TRPC1: variants seen among roughly 807,000 people sequenced by gnomAD.
The protein encoded by TRPC1 is short transient receptor potential channel 1.
Under a neutral mutation model 88.2 loss-of-function variants are expected in TRPC1, and 42 were observed. That is an observed-to-expected ratio of 0.48 (90% CI 0.37 to 0.62). The LOEUF (loss-of-function observed/expected upper bound fraction) is 0.62, where lower values mean the gene tolerates loss of function less well. Among genes scored for constraint, TRPC1 ranks in the 20% least tolerant of loss-of-function variants. The pLI is 0.00. For missense variants in TRPC1, 699 were observed against 957.3 expected, an observed-to-expected ratio of 0.73 and a Z score of 3.56; for synonymous variants, 288 against 331.8, an observed-to-expected ratio of 0.87 and a Z score of 1.43.
chr3:142,793,724 G>GA, intron 9 of TRPC1: 2 of 519,954 alleles, frequency 3.8e-6, no homozygotes, highest in Non-Finnish European at 4.9e-6. Context: ...TATTATTTCT[G>GA]AAAATCTGAA....
intron 4 of TRPC1, among the ~76,000 whole-genome samples, chr3:142,749,079 A>G (rs1327303152): frequency 6.6e-6 from 1 of 152,208 alleles, no homozygotes; most frequent in African/African-American, 2.4e-5. Context: ...ACATACAGTC[A>G]TGTGCTACAT....
At chr3:142,749,817 C>T (rs975764790) in intron 4 of TRPC1, among the ~76,000 whole-genome samples, 13 of 152,090 alleles carry the variant, frequency 8.5e-5, no homozygotes, top group South Asian at 6.2e-4. Context: ...AAGCAAGCAA[C>T]GGGGAAAGGA....
At chr3:142,805,869 A>C in intron 12 of TRPC1, 139 bp from the exon 13 acceptor site, 2 of 668,660 alleles carry the variant, frequency 3.0e-6, no homozygotes, top group Non-Finnish European at 5.0e-6. Context: ...CAAGTGTTGA[A>C]TATTATACCA....
intron 1 of TRPC1, among the ~76,000 whole-genome samples, 155 bp from the exon 2 acceptor site, chr3:142,736,224 A>C (rs1934132091): frequency 6.6e-6 from 1 of 152,170 alleles, no homozygotes; most frequent in South Asian, 2.1e-4. Context: ...ATAAATTTTC[A>C]TCAAGGAAAT....
chr3:142,786,176 A>T (rs1025452726), intron 7 of TRPC1, among the ~76,000 whole-genome samples: 1 of 152,104 alleles, frequency 6.6e-6, no homozygotes, highest in Non-Finnish European at 1.5e-5. Context: ...AGCACTTCCC[A>T]TCTGTCCGTC....
At chr3:142,794,639 CAGAA>C (rs1936398873) in intron 9 of TRPC1, among the ~76,000 whole-genome samples, 1 of 152,080 alleles carries the variant, frequency 6.6e-6, no homozygotes. Context: ...TTTAGCAGCA[CAGAA>C]AGAAAATTCT....
At chr3:142,760,119 C>T (rs932941846) in intron 4 of TRPC1, among the ~76,000 whole-genome samples, 1 of 152,190 alleles carries the variant, frequency 6.6e-6, no homozygotes, top group Non-Finnish European at 1.5e-5. Context: ...AGCCACTGTG[C>T]CCGGCCTTGT....
At chr3:142,805,129 TACACACACACACACACACAC>T (rs71153991) in intron 12 of TRPC1, among the ~76,000 whole-genome samples, 13 of 95,320 alleles carry the variant, frequency 1.4e-4, no homozygotes, top group African/African-American at 4.8e-4. Context: ...AATATATATA[TACACACACACACACACACAC>T]ACACACACAC....
chr3:142,796,723 T>C (rs1439419040), intron 9 of TRPC1, among the ~76,000 whole-genome samples: 1 of 152,028 alleles, frequency 6.6e-6, no homozygotes, highest in Non-Finnish European at 1.5e-5. Flanking sequence ...CACCACAAAG[T>C]TAAGTGTAAT....
intron 10 of TRPC1, among the ~76,000 whole-genome samples, chr3:142,803,091 G>T (rs1351992150): frequency 6.6e-6 from 1 of 152,136 alleles, no homozygotes; most frequent in East Asian, 1.9e-4. Context: ...GGTGATACAG[G>T]CAATAAAAAG....
intron 1 of TRPC1, among the ~76,000 whole-genome samples, chr3:142,730,818 A>G (rs1274768372): frequency 6.6e-6 from 1 of 152,128 alleles, no homozygotes; most frequent in Non-Finnish European, 1.5e-5. Context: ...GAATGTTGCA[A>G]TTGCCACACT....
At chr3:142,750,500 A>C (rs967106645) in intron 4 of TRPC1, among the ~76,000 whole-genome samples, 5 of 152,218 alleles carry the variant, frequency 3.3e-5, no homozygotes, top group African/African-American at 9.6e-5. Context: ...TGTGGAAGAC[A>C]GTGTGGTGAT....
intron 12 of TRPC1, 27 bp downstream of exon 12, chr3:142,804,657 A>T: frequency 6.4e-7 from 1 of 1,565,104 alleles, no homozygotes; most frequent in Non-Finnish European, 8.6e-7. Flanking sequence ...TTGAATGGCA[A>T]CATAAAAGTT....
chr3:142,778,665 G>A (rs1284640856), intron 5 of TRPC1, among the ~76,000 whole-genome samples: 4 of 151,860 alleles, frequency 2.6e-5, no homozygotes, highest in African/African-American at 7.3e-5. Flanking sequence ...TTTCCTATAC[G>A]GCTGCTATTA....
chr3:142,731,091 T>G (rs1389366021), intron 1 of TRPC1, among the ~76,000 whole-genome samples: 1 of 152,204 alleles, frequency 6.6e-6, no homozygotes, highest in Non-Finnish European at 1.5e-5. Context: ...GCTAAGGATC[T>G]ATGGGATCAC....
At chr3:142,734,290 TAAG>T (rs746911967) in intron 1 of TRPC1, among the ~76,000 whole-genome samples, 8 of 151,894 alleles carry the variant, frequency 5.3e-5, no homozygotes, top group Non-Finnish European at 1.2e-4. Flanking sequence ...AATGAAAACA[TAAG>T]AAAATAAGAG....
At chr3:142,725,888 A>C (rs1219197478) in intron 1 of TRPC1, among the ~76,000 whole-genome samples, 1 of 152,172 alleles carries the variant, frequency 6.6e-6, no homozygotes, top group African/African-American at 2.4e-5. Flanking sequence ...TTGACATATA[A>C]ACAAAGTCCA....
chr3:142,727,515 A>G (rs1000574911), intron 1 of TRPC1, among the ~76,000 whole-genome samples: 2 of 152,240 alleles, frequency 1.3e-5, no homozygotes, highest in African/African-American at 4.8e-5. Flanking sequence ...TAAGTTCGGT[A>G]GATTTAGGCA....
rs904385465 is a variant in TRPC1 at position 142,724,811 on chromosome 3, G to C, written c.172+80G>C. 5 of 1,421,838 alleles carry C rather than the reference G, an allele frequency of 3.5e-6. No individual in the cohort carries two copies. The highest frequency in any genetic ancestry group is 3.9e-4 in the Middle Eastern group (2 of 5,174). 88.1% of individuals were successfully genotyped at this position (1,421,838 alleles called of 1,614,324 possible). On this transcript the variant is annotated intron_variant, in intron 1 of 12. Coordinates refer to ENST00000476941, the MANE Select transcript of TRPC1 (RefSeq NM_001251845.2). The surrounding 1 kb of genome is among the most constrained non-coding windows in gnomAD (Gnocchi z 5.6). The stretch of plus-strand genomic sequence containing the variant: ...CCTCTCCCCCGCCTCAACTTATATC[G>C]GGGCATTCCCTCTGTCTCAGGCGCC...
Sources: allele counts gnomAD v4.1 joint callset (sites outside exome capture counted in the v4.1 genomes callset), GRCh38; gene constraint gnomAD v4.1.1; non-coding constraint Gnocchi (gnomAD v3.1); transcripts MANE v1.5; gene names NCBI Gene and HGNC (gene_info 2026-07-23, HGNC 2026-07-21).